The following CALB1 variants were observed in gnomAD, a reference collection of about 807,000 sequenced individuals.
CALB1 encodes the protein calbindin.
Under a neutral mutation model 46.7 loss-of-function variants are expected in CALB1, and 16 were observed. That is an observed-to-expected ratio of 0.34 (90% CI 0.23 to 0.52). CALB1 has a LOEUF of 0.52. Ranked by LOEUF, CALB1 falls within the 20% of genes least tolerant of loss-of-function variation. The pLI is 0.95. For synonymous variants in CALB1, 90 were observed against 112.8 expected (o/e 0.80, Z 1.28); for missense variants, 224 against 300.3 (o/e 0.75, Z 1.88).
chr8:90,078,384 C>A lies in CALB1; in HGVS notation c.220G>T (p.Gly74Ter). ...CATAAATTCCTTACCTCTACAATTC[C>A]TATTTTTCCATCATCTCTTTGCCCA... ...QYGQRDDGKIGIVELAHVLPT... is the reference protein window; with the variant it reads ...QYGQRDDGKI Residue 74 changes from glycine (G) to a stop codon, truncating the protein, a stop_gained, in exon 3 of 11, where the codon GGA (glycine) becomes TGA (stop). Transcript: ENST00000265431. LOFTEE classifies it high-confidence loss of function. 6.3e-7 allele frequency: 1 copy of A among 1,582,226 alleles called. No homozygotes were observed. The highest frequency in any genetic ancestry group is 1.4e-5 in the African/African-American group (1 of 73,772).
Position 90,060,703 on chromosome 8 carries a change from G to A in CALB1, c.601-3C>T, listed in dbSNP as rs769383003. 15 of 1,609,216 alleles carry A rather than the reference G, an allele frequency of 9.3e-6. No homozygotes were observed. The East Asian group carries it at 2.2e-4, about 24-fold the overall frequency. ...TCATCTATGTATCCATTGCCGTCCTGGGGGAGGAGAAATAAAATAGTATAC... is the reference window on the plus strand; with the variant it reads ...TCATCTATGTATCCATTGCCGTCCTAGGGGAGGAGAAATAAAATAGTATAC... On this transcript the variant is annotated splice_polypyrimidine_tract_variant and splice_region_variant and intron_variant, in intron 9 of 10. Transcript: ENST00000265431.
At chr8:90,070,174 C>T (rs1340788439) in intron 3 of CALB1, among the ~76,000 whole-genome samples, 1 of 152,130 alleles carries the variant, frequency 6.6e-6, no homozygotes. Flanking sequence ...AAAACAAGGA[C>T]TTGAAATAGA....
chr8:90,082,330 AAAC>A, intron 1 of CALB1: 1 of 602,762 alleles, frequency 1.7e-6, no homozygotes, highest in South Asian at 2.1e-5. Context: ...GCAGCCACAG[AAAC>A]TTTGGGGGGG....
intron 3 of CALB1, 69 bp downstream of exon 3, chr8:90,078,304 C>A: frequency 1.0e-6 from 1 of 955,186 alleles, no homozygotes; most frequent in Non-Finnish European, 1.7e-6. Flanking sequence ...TCTTACTTGA[C>A]TTGAAGACAA....
In CALB1 at chr8:90,068,998, CT is replaced by C; in HGVS notation, c.371del (p.Lys124ArgfsTer4). 6.2e-7 allele frequency: 1 copy of C among 1,609,262 alleles called. No individual in the cohort carries two copies. Among genetic ancestry groups the C allele is most frequent in the South Asian group, 1.1e-5 (1 of 90,426 alleles). On this transcript the variant is annotated frameshift_variant and splice_region_variant, in exon 5 of 11. Coordinates refer to ENST00000265431, the MANE Select transcript of CALB1 (RefSeq NM_004929.4). LOFTEE classifies it high-confidence loss of function. ...TTAGTACAAGTTTTTATTTGCTTAC[CT>C]TAAGCTCCTCAGTTTCTATGAAGCC... is the stretch of plus-strand genomic sequence containing the variant. ...HSGFIETEELKNFLKDLLEKA... is the reference protein window; with the variant it reads ...HSGFIETEELXNFLKDLLEKA...
At position 90,063,135 on chromosome 8, in the gene CALB1, TC is replaced by T; in HGVS notation, c.564del (p.Glu190SerfsTer17). The T allele has an allele frequency of 6.2e-7, 1 of 1,608,758 alleles. No individual in the cohort carries two copies. The highest frequency in any genetic ancestry group is 8.5e-7 in the Non-Finnish European group (1 of 1,175,960). On this transcript the variant is annotated frameshift_variant, in exon 9 of 11. Transcript: ENST00000265431. LOFTEE classifies it high-confidence loss of function. ...AGCTCAAAAGCCTTATTGAACTCTT[TC>T]CCACACATTTTGATTCCCTAAAGAT... ...LLKFQGIKMCGKEFNKAFELY... is the reference protein window; with the variant it reads ...LLKFQGIKMCXKEFNKAFELY...
At chr8:90,078,284 T>A in intron 3 of CALB1, 89 bp downstream of exon 3, 1 of 763,824 alleles carries the variant, frequency 1.3e-6, no homozygotes, top group Non-Finnish European at 2.3e-6. Context: ...ACTGAATGGG[T>A]CTTGCTATAT....
chr8:90,065,128 G>A (rs1402848699), intron 6 of CALB1, among the ~76,000 whole-genome samples: 1 of 151,630 alleles, frequency 6.6e-6, no homozygotes, highest in Non-Finnish European at 1.5e-5. Context: ...TCTATCTCCT[G>A]GTAATCCTAA....
intron 3 of CALB1, among the ~76,000 whole-genome samples, chr8:90,071,055 G>C (rs1052571470): frequency 6.6e-6 from 1 of 152,240 alleles, no homozygotes; most frequent in African/African-American, 2.4e-5. Flanking sequence ...GTTGAATGAT[G>C]ACCTGATGAT....
At chr8:90,074,008 A>G (rs1814577580) in intron 3 of CALB1, among the ~76,000 whole-genome samples, 1 of 151,612 alleles carries the variant, frequency 6.6e-6, no homozygotes, top group Non-Finnish European at 1.5e-5. Context: ...TGTATTAGCC[A>G]AGCATTCATT....
At chr8:90,080,173 A>G (rs985217540) in intron 2 of CALB1, among the ~76,000 whole-genome samples, 3 of 151,942 alleles carry the variant, frequency 2.0e-5, no homozygotes, top group African/African-American at 7.2e-5. Context: ...TCCTATAACT[A>G]TGCTTGTTTA....
chr8:90,062,835 T>C (rs1814327865), intron 9 of CALB1: 1 of 316,774 alleles, frequency 3.2e-6, no homozygotes, highest in African/African-American at 2.2e-5. Context: ...AAATTCTGCA[T>C]GATGCCACTT....
chr8:90,059,817 G>A lies in CALB1; in HGVS notation c.*356C>T, dbSNP rs1814262226. The A allele has an allele frequency of 1.0e-5, 2 of 199,316 alleles. No homozygotes were observed. The highest frequency in any genetic ancestry group is 2.3e-5 in the African/African-American group (1 of 43,014). 12.3% of individuals were successfully genotyped at this position (199,316 alleles called of 1,614,324 possible). A position where few individuals can be genotyped will look rare whatever the true frequency, so the allele number is the denominator to read the frequency against. The stretch of plus-strand genomic sequence containing the variant: ...TTGTTATACATAATTCCATTATTCA[G>A]TGACAAATGTGCATTTGCAAATCAG... On this transcript the variant is annotated 3_prime_UTR_variant, in exon 11 of 11. Transcript: ENST00000265431.
At chr8:90,078,207 T>C (rs1814654860) in intron 3 of CALB1, 166 bp downstream of exon 3, 1 of 462,846 alleles carries the variant, frequency 2.2e-6, no homozygotes, top group South Asian at 3.2e-5. Context: ...GTTTTTCATT[T>C]GTGAACATTT....
chr8:90,069,331 C>A, intron 3 of CALB1, 94 bp from the exon 4 acceptor site: 1 of 900,076 alleles, frequency 1.1e-6, no homozygotes, highest in South Asian at 1.4e-5. Context: ...TCAACGTGTT[C>A]CCTCACAGGC....
intron 2 of CALB1, chr8:90,081,392 T>C (rs1814729286): frequency 1.7e-6 from 1 of 575,870 alleles, no homozygotes; most frequent in African/African-American, 2.0e-5. Context: ...TTCTCACTGT[T>C]AGGTTGCAAG....
At chr8:90,077,486 C>A (rs1211300756) in intron 3 of CALB1, among the ~76,000 whole-genome samples, 1 of 151,956 alleles carries the variant, frequency 6.6e-6, no homozygotes, top group African/African-American at 2.4e-5. Context: ...ATATAAATAA[C>A]ATAATTATGT....
chr8:90,074,705 G>T (rs1039993300), intron 3 of CALB1, among the ~76,000 whole-genome samples: 4 of 152,172 alleles, frequency 2.6e-5, no homozygotes, highest in African/African-American at 9.7e-5. Context: ...TTGCTTCCCT[G>T]GGAGGGTTGT....
chr8:90,071,453 A>C (rs988844764), intron 3 of CALB1, among the ~76,000 whole-genome samples: 1 of 152,102 alleles, frequency 6.6e-6, no homozygotes, highest in Non-Finnish European at 1.5e-5. Flanking sequence ...TGGGCTCGGC[A>C]TGGAGAGGGG....
Sources: allele counts gnomAD v4.1 joint callset (sites outside exome capture counted in the v4.1 genomes callset), GRCh38; gene constraint gnomAD v4.1.1; transcripts MANE v1.5; gene names NCBI Gene and HGNC (gene_info 2026-07-23, HGNC 2026-07-21).